AHI1: variants seen among roughly 807,000 people sequenced by gnomAD.
The protein encoded by AHI1 is Abelson helper integration site 1, also known as jouberin.
AHI1 carries 123 observed loss-of-function variants against 149.3 expected under a neutral mutation model. The observed-to-expected ratio is 0.82, with a 90% CI of 0.71 to 0.96. AHI1 has a LOEUF of 0.96. AHI1 is among the 40% of genes least tolerant of loss of function. The pLI, the probability that AHI1 is intolerant of heterozygous loss-of-function variation, is 0.00. For synonymous variants in AHI1, 475 were observed against 459.8 expected (o/e 1.03, Z -0.42); for missense variants, 1,439 against 1,422.7 (o/e 1.01, Z -0.18).
At chr6:135,301,524 C>G (rs1783880743) in intron 26 of AHI1, 1 of 985,282 alleles carries the variant, frequency 1.0e-6, no homozygotes, top group African/African-American at 1.7e-5. Context: ...CATTCTTCAG[C>G]AAGATTTGGC....
chr6:135,381,219 A>G (rs535653228), intron 23 of AHI1, among the ~76,000 whole-genome samples: 12 of 152,190 alleles, frequency 7.9e-5, no homozygotes, highest in Non-Finnish European at 1.5e-4. Context: ...CTCCCACAAA[A>G]AACAAGCTTC....
At chr6:135,290,652 G>A (rs1045592905) in intron 27 of AHI1, 127 bp from the exon 28 acceptor site, 11 of 837,290 alleles carry the variant, frequency 1.3e-5, no homozygotes. Context: ...GGATATGACA[G>A]AGAAAAACAT....
chr6:135,394,755 C>G, intron 23 of AHI1, 21 bp downstream of exon 23: 1 of 1,608,676 alleles, frequency 6.2e-7, no homozygotes, highest in Non-Finnish European at 8.5e-7. Flanking sequence ...AAAGAATTGT[C>G]AAAGTAAGAA....
intron 15 of AHI1, among the ~76,000 whole-genome samples, chr6:135,434,012 C>T (rs115107845): frequency 6.6e-6 from 1 of 151,906 alleles, no homozygotes; most frequent in Non-Finnish European, 1.5e-5. Context: ...ATGTATAAAA[C>T]TAGGTGAAAT....
intron 23 of AHI1, among the ~76,000 whole-genome samples, chr6:135,382,373 A>G (rs1193653708): frequency 1.3e-5 from 2 of 152,226 alleles, no homozygotes; most frequent in East Asian, 1.9e-4. Flanking sequence ...AGAAAATACA[A>G]ATCAACATTA....
chr6:135,393,182 C>T (rs9321503), intron 23 of AHI1, among the ~76,000 whole-genome samples: 3,849 of 151,868 alleles, frequency 0.025, 182 homozygotes, highest in African/African-American at 0.088. Context: ...TTATCATATC[C>T]CTCTTTCCCT....
intron 23 of AHI1, among the ~76,000 whole-genome samples, chr6:135,359,364 T>C (rs566755492): frequency 1.3e-5 from 2 of 152,314 alleles, no homozygotes; most frequent in South Asian, 2.1e-4. Flanking sequence ...TAGTAAAACA[T>C]GGATATCCTT....
chr6:135,490,123 T>C, intron 5 of AHI1: 1 of 714,106 alleles, frequency 1.4e-6, no homozygotes, highest in South Asian at 1.5e-5. Context: ...AGCACTGTAT[T>C]TTTAATTCCT....
chr6:135,476,197 T>C (rs1438504316), intron 5 of AHI1, among the ~76,000 whole-genome samples: 1 of 152,210 alleles, frequency 6.6e-6, no homozygotes, highest in Non-Finnish European at 1.5e-5. Context: ...TTTTGTGTTT[T>C]CTTCTTCAAT....
Position 135,427,188 on chromosome 6 carries a change from GA to G in AHI1, c.2742del (p.Leu915CysfsTer64), listed in dbSNP as rs1583179845. 6.2e-7 allele frequency: 1 copy of G among 1,610,178 alleles called. No individual in the cohort carries two copies. The highest frequency in any genetic ancestry group is 8.5e-7 in the Non-Finnish European group (1 of 1,177,456). On this transcript the variant is annotated frameshift_variant, in exon 20 of 29. Transcript: ENST00000265602. LOFTEE classifies it high-confidence loss of function. ...FCAFGQNEPILLYIYDFHVAQ... is the reference protein window; with the variant it reads ...FCAFGQNEPIXLYIYDFHVAQ... ...TTACCATGGAAATCGTAAATATACA[GA>G]AGAATTGGCTCATTTTGCCCAAATG...
At chr6:135,432,577 C>T (rs767440085) in intron 16 of AHI1, among the ~76,000 whole-genome samples, 20 of 152,126 alleles carry the variant, frequency 1.3e-4, no homozygotes, top group East Asian at 9.6e-4. Context: ...TGGTCTTGAT[C>T]TCCTGACCTT....
rs767301010 is a variant in AHI1, at chr6:135,463,110, AT to A, written c.931+14del. The A allele has an allele frequency of 6.4e-7, 1 of 1,552,558 alleles. No homozygotes were observed. The highest frequency in any genetic ancestry group is 1.3e-5 in the South Asian group (1 of 79,112). On this transcript the variant is annotated intron_variant, in intron 8 of 28. Coordinates refer to ENST00000265602, the MANE Select transcript of AHI1 (RefSeq NM_001134831.2). ...ACCAACATACACAATTTTTCATTTA[AT>A]TTGTATAGCAAACCTGCTTTAGTCT...
chr6:135,427,394 G>C (rs939088416), intron 19 of AHI1, 87 bp from the exon 20 acceptor site: 3 of 1,197,500 alleles, frequency 2.5e-6, no homozygotes, highest in Non-Finnish European at 3.5e-6. Flanking sequence ...CCATTTATTA[G>C]AAAATATTTA....
chr6:135,301,529 T>C, intron 26 of AHI1: 1 of 985,444 alleles, frequency 1.0e-6, no homozygotes, highest in Non-Finnish European at 1.2e-6. Flanking sequence ...TTCAGCAAGA[T>C]TTGGCACTAT....
At chr6:135,338,050 C>T (rs1205529661) in intron 24 of AHI1, among the ~76,000 whole-genome samples, 6 of 152,040 alleles carry the variant, frequency 3.9e-5, no homozygotes. Context: ...GTAATCCCAG[C>T]ACTTTCGGAG....
chr6:135,387,303 A>T (rs558031555), intron 23 of AHI1, among the ~76,000 whole-genome samples: 4 of 152,358 alleles, frequency 2.6e-5, no homozygotes, highest in Admixed American at 1.3e-4. Flanking sequence ...ATTCTAAGAG[A>T]AACAGAGGCT....
rs569211541 is a variant in AHI1 at position 135,317,819 on chromosome 6, T to TA, written c.3426+699dup. On this transcript the variant is annotated intron_variant, in intron 26 of 28. Coordinates refer to ENST00000265602, the MANE Select transcript of AHI1 (RefSeq NM_001134831.2). The stretch of plus-strand genomic sequence containing the variant: ...ATGATATGTACATGAAATGTATTTG[T>TA]AAAAAAAATCTATGTTGGTTCATGG... Among the ~76,000 whole-genome samples the TA allele has an allele frequency of 1.7e-3, 258 of 152,240 alleles. 1 individual carries two copies. Among genetic ancestry groups the TA allele is most frequent in the Non-Finnish European group, 2.5e-3 (170 of 68,012 alleles).
rs184883690 is a variant in AHI1 at position 135,374,967 on chromosome 6, A to G, written c.3110-16780T>C. On this transcript the variant is annotated intron_variant, in intron 23 of 28. Coordinates refer to ENST00000265602, the MANE Select transcript of AHI1 (RefSeq NM_001134831.2). ...TTAATTATAAAATAGGCTTTGTCTT[A>G]GATGATGTGGCCCAACTGTATGCTA... Among the ~76,000 whole-genome samples, 22 of 152,362 alleles carry G rather than the reference A, an allele frequency of 1.4e-4. No individual in the cohort carries two copies. The East Asian group carries it at 3.9e-3, about 27-fold the overall frequency.
chr6:135,378,551 C>A (rs535467854), intron 23 of AHI1, among the ~76,000 whole-genome samples: 1 of 152,244 alleles, frequency 6.6e-6, no homozygotes, highest in South Asian at 2.1e-4. Context: ...TAAAGCCTGC[C>A]ACATATTTAT....
Sources: gnomAD v4.1 joint callset for allele counts (sites outside exome capture counted in the v4.1 genomes callset) on GRCh38, gnomAD v4.1.1 for gene constraint, MANE v1.5 for transcripts, NCBI Gene and HGNC (gene_info 2026-07-23, HGNC 2026-07-21) for gene names.